RFTN1: variants seen among roughly 807,000 people sequenced by gnomAD.
The protein encoded by RFTN1 is raftlin, lipid raft linker 1, also known as raftlin.
Under a neutral mutation model 46.5 loss-of-function variants are expected in RFTN1, and 26 were observed. The observed-to-expected ratio is 0.56, with a 90% CI of 0.41 to 0.78. The LOEUF (loss-of-function observed/expected upper bound fraction) is 0.78. Ranked by LOEUF, RFTN1 falls within the 30% of genes least tolerant of loss-of-function variation. The probability of loss-of-function intolerance (pLI) is 0.00; values close to 1 mark genes in which losing one functional copy is unlikely to be tolerated. For synonymous variants in RFTN1, 261 were observed against 284.2 expected (o/e 0.92, Z 0.82); for missense variants, 693 against 718.7 (o/e 0.96, Z 0.41).
chr3:16,408,051 C>T (rs1335549650), intron 4 of RFTN1, among the ~76,000 whole-genome samples: 1 of 152,196 alleles, frequency 6.6e-6, no homozygotes, highest in Non-Finnish European at 1.5e-5. Flanking sequence ...CAAAATTCCT[C>T]TCAACGGCTT....
chr3:16,358,076 G>C, intron 6 of RFTN1, 29 bp from the exon 7 acceptor site: 3 of 1,169,506 alleles, frequency 2.6e-6, no homozygotes, highest in East Asian at 2.3e-5. Context: ...GCGGGGGTGG[G>C]GGGGGTCTGT....
rs1481442309 is a variant in RFTN1 at position 16,512,592 on chromosome 3, C to A, written c.-9+850G>T. Among the ~76,000 whole-genome samples, 1 of 152,158 alleles carries A rather than the reference C, an allele frequency of 6.6e-6. No homozygotes were observed. The highest frequency in any genetic ancestry group is 1.9e-4 in the East Asian group (1 of 5,184). On this transcript the variant is annotated intron_variant, in intron 1 of 9. Transcript: ENST00000334133. This position sits in a 1 kb window ranked among gnomAD's most constrained non-coding sequence, Gnocchi z 4.3. ...TGGTTCTACAACCTTGGCCTCCACG[C>A]GGTTCTTGCTGCCAAAGGCAGCGAC... is the stretch of plus-strand genomic sequence containing the variant.
Position 16,447,763 on chromosome 3 carries a change from T to A in RFTN1, c.146-13726A>T, listed in dbSNP as rs73816464. Among the ~76,000 whole-genome samples the A allele has an allele frequency of 5.3e-3, 811 of 152,222 alleles. 9 individuals carry two copies. The highest frequency in any genetic ancestry group is 0.018 in the African/African-American group (765 of 41,552). On this transcript the variant is annotated intron_variant, in intron 2 of 9. Transcript: ENST00000334133. The surrounding 1 kb of genome is among the most constrained non-coding windows in gnomAD (Gnocchi z 5.9). Reference sequence around the variant, plus strand: ...AATTACACCCAGAAGAAAAATACGATCTATCCACCGTTGGCACAAGAAGGG... The same window carrying A: ...AATTACACCCAGAAGAAAAATACGAACTATCCACCGTTGGCACAAGAAGGG...
At chr3:16,324,613 A>ACG (rs1553718054) in intron 8 of RFTN1, among the ~76,000 whole-genome samples, 1 of 90,800 alleles carries the variant, frequency 1.1e-5, no homozygotes, top group Non-Finnish European at 2.2e-5. Context: ...AATGTCCCTG[A>ACG]CCCCCCCCCT....
At chr3:16,490,823 A>C (rs1466711090) in intron 2 of RFTN1, among the ~76,000 whole-genome samples, 1 of 152,244 alleles carries the variant, frequency 6.6e-6, no homozygotes, top group Non-Finnish European at 1.5e-5. Context: ...ATTAAATCAT[A>C]CTTTCCGAGC....
In RFTN1 at chr3:16,345,490, A is replaced by G. The variant is rs2071594756; in HGVS notation, c.1146+12442T>C. Among the ~76,000 whole-genome samples the G allele has an allele frequency of 6.6e-6, 1 of 152,204 alleles. No homozygotes were observed. Among genetic ancestry groups the G allele is most frequent in the South Asian group, 2.1e-4 (1 of 4,834 alleles). Reference sequence around the variant, plus strand: ...TGAATGGGTCAACTGAGTAGACCAGATGGCCCTCCCCAGTGTGGGTGGACA... The same window carrying G: ...TGAATGGGTCAACTGAGTAGACCAGGTGGCCCTCCCCAGTGTGGGTGGACA... On this transcript the variant is annotated intron_variant, in intron 7 of 9. Coordinates refer to ENST00000334133, the MANE Select transcript of RFTN1 (RefSeq NM_015150.2). The surrounding 1 kb of genome is among the most constrained non-coding windows in gnomAD (Gnocchi z 5.2).
At chr3:16,398,224 G>A (rs1037060661) in intron 4 of RFTN1, among the ~76,000 whole-genome samples, 2 of 139,222 alleles carry the variant, frequency 1.4e-5, no homozygotes, top group African/African-American at 2.6e-5. Context: ...TCCAGCCTGG[G>A]TGACAGAGAA....
intron 4 of RFTN1, among the ~76,000 whole-genome samples, chr3:16,406,329 G>A (rs2074855226): frequency 6.6e-6 from 1 of 152,222 alleles, no homozygotes; most frequent in Admixed American, 6.5e-5. Context: ...GCCACAGCCA[G>A]CAATGACAGC....
In RFTN1 at chr3:16,402,508, G is replaced by A. The variant is rs1341438544; in HGVS notation, c.441+6867C>T. ...GGGTTCTGGTGCAGCAAGCACAGGA[G>A]AGCCTTTTTAACATAATTTTCATTT... On this transcript the variant is annotated intron_variant, in intron 4 of 9. Coordinates refer to ENST00000334133, the MANE Select transcript of RFTN1 (RefSeq NM_015150.2). This position sits in a 1 kb window ranked among gnomAD's most constrained non-coding sequence, Gnocchi z 4.5. Among the ~76,000 whole-genome samples the A allele has an allele frequency of 6.6e-6, 1 of 152,102 alleles. No individual in the cohort carries two copies. Among genetic ancestry groups the A allele is most frequent in the African/African-American group, 2.4e-5 (1 of 41,402 alleles).
At chr3:16,454,244 A>G (rs2075866971) in intron 2 of RFTN1, among the ~76,000 whole-genome samples, 2 of 152,350 alleles carry the variant, frequency 1.3e-5, no homozygotes, top group Admixed American at 6.5e-5. Flanking sequence ...TTTAATAGGA[A>G]TTGCCAAATT....
chr3:16,397,379 GAA>G (rs2074493840), intron 4 of RFTN1, among the ~76,000 whole-genome samples: 1 of 152,174 alleles, frequency 6.6e-6, no homozygotes, highest in South Asian at 2.1e-4. Flanking sequence ...CAAAGGGTAC[GAA>G]ATTGAAGATA....
intron 2 of RFTN1, among the ~76,000 whole-genome samples, chr3:16,453,805 T>C (rs113029615): frequency 0.011 from 1,607 of 152,254 alleles, 25 homozygotes; most frequent in African/African-American, 0.037. Context: ...AGAAAATAAA[T>C]GAAGCAAATA....
chr3:16,458,981 T>C lies in RFTN1; in HGVS notation c.146-24944A>G, dbSNP rs2075961610. Among the ~76,000 whole-genome samples, 2 of 152,238 alleles carry C rather than the reference T, an allele frequency of 1.3e-5. No homozygotes were observed. The highest frequency in any genetic ancestry group is 2.1e-4 in the South Asian group (1 of 4,820). ...GACAGCGTCTCACTCTGTCACCAGGTTGGAGAGCAGTGATGCCATCACAGG... is the reference window on the plus strand; with the variant it reads ...GACAGCGTCTCACTCTGTCACCAGGCTGGAGAGCAGTGATGCCATCACAGG... On this transcript the variant is annotated intron_variant, in intron 2 of 9. Coordinates refer to ENST00000334133, the MANE Select transcript of RFTN1 (RefSeq NM_015150.2). This position sits in a 1 kb window ranked among gnomAD's most constrained non-coding sequence, Gnocchi z 5.1.
chr3:16,344,729 G>A lies in RFTN1; in HGVS notation c.1146+13203C>T, dbSNP rs566637171. Among the ~76,000 whole-genome samples, 114 of 152,272 alleles carry A rather than the reference G, an allele frequency of 7.5e-4. 2 individuals carry two copies. The South Asian group carries it at 0.022, about 29-fold the overall frequency. On this transcript the variant is annotated intron_variant, in intron 7 of 9. Coordinates refer to ENST00000334133, the MANE Select transcript of RFTN1 (RefSeq NM_015150.2). The surrounding 1 kb of genome is among the most constrained non-coding windows in gnomAD (Gnocchi z 4.4). ...GACCTCCTCCCAATGAAAGCACATC[G>A]TTGCCAAGTGCGGCCTCTCAATCAG...
intron 3 of RFTN1, among the ~76,000 whole-genome samples, chr3:16,417,597 T>G (rs901004932): frequency 2.0e-5 from 3 of 152,022 alleles, no homozygotes; most frequent in Admixed American, 6.6e-5. Flanking sequence ...AACTCAGAGA[T>G]GTACCTGGAG....
chr3:16,318,969 C>T (rs1265029591), intron 9 of RFTN1, among the ~76,000 whole-genome samples: 1 of 152,220 alleles, frequency 6.6e-6, no homozygotes, highest in Non-Finnish European at 1.5e-5. Context: ...TCTCGAGGCT[C>T]CAAACCCACC....
Position 16,451,644 on chromosome 3 carries a change from A to C in RFTN1, c.146-17607T>G, listed in dbSNP as rs1306228124. ...TTCGTGTCTTCCACCTAAAAATTTA[A>C]TGCCTTTTTCATCTTCACTAAGCAC... is the stretch of plus-strand genomic sequence containing the variant. On this transcript the variant is annotated intron_variant, in intron 2 of 9. Coordinates refer to ENST00000334133, the MANE Select transcript of RFTN1 (RefSeq NM_015150.2). The surrounding 1 kb of genome is among the most constrained non-coding windows in gnomAD (Gnocchi z 4.2). Among the ~76,000 whole-genome samples the C allele has an allele frequency of 1.3e-5, 2 of 152,172 alleles. No individual in the cohort carries two copies. Among genetic ancestry groups the C allele is most frequent in the Non-Finnish European group, 2.9e-5 (2 of 68,008 alleles).
chr3:16,323,996 C>T (rs1044601741), intron 8 of RFTN1, among the ~76,000 whole-genome samples: 4 of 152,124 alleles, frequency 2.6e-5, no homozygotes, highest in South Asian at 2.1e-4. Context: ...GGCTCACATG[C>T]GAGGGAGGGG....
At chr3:16,464,740 G>T (rs1026457288) in intron 2 of RFTN1, among the ~76,000 whole-genome samples, 1 of 152,222 alleles carries the variant, frequency 6.6e-6, no homozygotes, top group African/African-American at 2.4e-5. Context: ...TGTGCATATT[G>T]TCTATGGCTG....
Sources: gnomAD v4.1 joint callset for allele counts (sites outside exome capture counted in the v4.1 genomes callset) on GRCh38, gnomAD v4.1.1 for gene constraint, Gnocchi (gnomAD v3.1) non-coding constraint, MANE v1.5 for transcripts, NCBI Gene and HGNC (gene_info 2026-07-23, HGNC 2026-07-21) for gene names.